The following SLC35F4 variants were observed in gnomAD, a reference collection of about 807,000 sequenced individuals.
The protein encoded by SLC35F4 is solute carrier family 35 member F4.
In SLC35F4, 24 loss-of-function variants were observed where a neutral mutation model predicts 44.2. That is an observed-to-expected ratio of 0.54 (90% confidence interval 0.39 to 0.76). SLC35F4 has a LOEUF of 0.76. Ranked by LOEUF, SLC35F4 falls within the 30% of genes least tolerant of loss-of-function variation. SLC35F4 has a pLI of 0.00. For synonymous variants in SLC35F4, 238 were observed against 223.6 expected, an observed-to-expected ratio of 1.06 and a Z score of -0.57; for missense variants, 562 against 586.1, an observed-to-expected ratio of 0.96 and a Z score of 0.42.
chr14:57,582,734 T>C (rs2069377319), intron 3 of SLC35F4, among the ~76,000 whole-genome samples: 1 of 152,216 alleles, frequency 6.6e-6, no homozygotes, highest in South Asian at 2.1e-4. Context: ...TGAAATCTAT[T>C]TACAGGACTC....
intron 1 of SLC35F4, among the ~76,000 whole-genome samples, chr14:57,654,094 C>T (rs946341428): frequency 6.6e-6 from 1 of 152,112 alleles, no homozygotes; most frequent in African/African-American, 2.4e-5. Flanking sequence ...GCATTAGGTA[C>T]CCATTCTACT....
chr14:57,944,698 AG>A (rs1889981377), intron 1 of SLC35F4, among the ~76,000 whole-genome samples: 1 of 50,876 alleles, frequency 2.0e-5, no homozygotes, highest in Non-Finnish European at 4.6e-5. Context: ...AAGAAAGAAA[AG>A]AAAGAAAGAA....
intron 1 of SLC35F4, among the ~76,000 whole-genome samples, chr14:57,788,889 A>G (rs149002520): frequency 0.012 from 1,834 of 152,290 alleles, 32 homozygotes; most frequent in African/African-American, 0.042. Context: ...ATGAAAACTA[A>G]ACAACCTGCT....
intron 3 of SLC35F4, 146 bp downstream of exon 3, chr14:57,589,070 C>G (rs2069982684): frequency 1.3e-6 from 1 of 799,428 alleles, no homozygotes; most frequent in Non-Finnish European, 2.0e-6. Flanking sequence ...AGGACTGATT[C>G]TGCTTCTAGT....
chr14:57,872,316 G>A (rs1033993457), intron 1 of SLC35F4, among the ~76,000 whole-genome samples: 2 of 151,904 alleles, frequency 1.3e-5, no homozygotes, highest in African/African-American at 4.8e-5. Flanking sequence ...ATAATACAGA[G>A]GTACCAAAGT....
Position 57,573,756 on chromosome 14 carries a change from G to A in SLC35F4, c.808-1737C>T, listed in dbSNP as rs989145071. On this transcript the variant is annotated intron_variant, in intron 4 of 7. Transcript: ENST00000556826. ...TTGGCATATCCTGATTTGGTTTTGT[G>A]TTTAAATGATGTTCACTGGTTAGTG... is the stretch of plus-strand genomic sequence containing the variant. Among the ~76,000 whole-genome samples the A allele has an allele frequency of 3.3e-5, 5 of 152,160 alleles. 1 individual carries two copies. In the South Asian group the frequency reaches 1.0e-3, roughly 32 times the overall value.
intron 1 of SLC35F4, among the ~76,000 whole-genome samples, chr14:57,790,373 C>T (rs918878581): frequency 2.0e-5 from 3 of 152,060 alleles, no homozygotes; most frequent in Admixed American, 1.3e-4. Context: ...CATGAGTGAA[C>T]TCCCATTCAT....
chr14:57,610,557 C>T (rs1303147360), intron 1 of SLC35F4, among the ~76,000 whole-genome samples: 1 of 152,196 alleles, frequency 6.6e-6, no homozygotes, highest in Non-Finnish European at 1.5e-5. Flanking sequence ...CAGAATCTAA[C>T]CCTTCGGTTT....
chr14:57,665,724 G>T (rs1168293777), intron 1 of SLC35F4, among the ~76,000 whole-genome samples: 2 of 152,138 alleles, frequency 1.3e-5, no homozygotes, highest in African/African-American at 4.8e-5. Flanking sequence ...ACCTGGAATC[G>T]ATCTAAATGT....
upstream of SLC35F4, among the ~76,000 whole-genome samples, chr14:57,868,823 C>T (rs1398835189): frequency 6.6e-6 from 1 of 152,120 alleles, no homozygotes; most frequent in Non-Finnish European, 1.5e-5. Flanking sequence ...CCAGTTTTCA[C>T]AAACCCAAAT....
upstream of SLC35F4, among the ~76,000 whole-genome samples, chr14:57,870,164 C>T (rs1731567510): frequency 6.9e-6 from 1 of 145,702 alleles, no homozygotes; most frequent in African/African-American, 2.7e-5. Flanking sequence ...GTGTCTGTGT[C>T]TCTCCCTGTG....
At chr14:57,657,837 A>C (rs2074015417) in intron 1 of SLC35F4, among the ~76,000 whole-genome samples, 1 of 152,224 alleles carries the variant, frequency 6.6e-6, no homozygotes, top group Non-Finnish European at 1.5e-5. Context: ...AAGGTGCCTA[A>C]AGAGAAAGAT....
At chr14:57,918,850 G>A (rs559696395) in intron 1 of SLC35F4, among the ~76,000 whole-genome samples, 106 of 152,302 alleles carry the variant, frequency 7.0e-4, no homozygotes, top group African/African-American at 2.4e-3. Context: ...GAGTCAATTA[G>A]GAGATGGTTA....
At chr14:57,911,233 T>C (rs1889210570) in intron 1 of SLC35F4, among the ~76,000 whole-genome samples, 1 of 152,016 alleles carries the variant, frequency 6.6e-6, no homozygotes, top group Non-Finnish European at 1.5e-5. Context: ...AGAAAAAAGC[T>C]ATAAACAAAT....
At chr14:57,776,728 A>G (rs2077499934) in intron 1 of SLC35F4, among the ~76,000 whole-genome samples, 1 of 151,658 alleles carries the variant, frequency 6.6e-6, no homozygotes, top group Non-Finnish European at 1.5e-5. Context: ...CTAGAAAGGG[A>G]CACCCATAAG....
chr14:57,831,323 A>T (rs1262179631), intron 1 of SLC35F4, among the ~76,000 whole-genome samples: 1 of 152,166 alleles, frequency 6.6e-6, no homozygotes, highest in African/African-American at 2.4e-5. Flanking sequence ...TGGCACCTTG[A>T]TCTTAGACTT....
intron 1 of SLC35F4, among the ~76,000 whole-genome samples, chr14:57,859,257 C>A (rs1887466075): frequency 6.6e-6 from 1 of 152,028 alleles, no homozygotes; most frequent in South Asian, 2.1e-4. Context: ...CTATATGCAT[C>A]CACTAAAATT....
chr14:57,738,454 G>A (rs565418230), intron 1 of SLC35F4, among the ~76,000 whole-genome samples: 1 of 152,058 alleles, frequency 6.6e-6, no homozygotes, highest in South Asian at 2.1e-4. Flanking sequence ...TCTCACTTCT[G>A]TACTGCACAT....
At chr14:57,969,246 C>T (rs1399957955) in intron 1 of SLC35F4, among the ~76,000 whole-genome samples, 7 of 152,170 alleles carry the variant, frequency 4.6e-5, no homozygotes, top group Non-Finnish European at 1.0e-4. Flanking sequence ...TTACCACAAC[C>T]TTAGAAAATC....
Sources: allele counts gnomAD v4.1 joint callset (sites outside exome capture counted in the v4.1 genomes callset), GRCh38; gene constraint gnomAD v4.1.1; transcripts MANE v1.5; gene names NCBI Gene and HGNC (gene_info 2026-07-23, HGNC 2026-07-21).